FAM227B: variants seen among roughly 807,000 people sequenced by gnomAD.
The protein encoded by FAM227B is protein FAM227B.
A neutral mutation model predicts 73.8 loss-of-function variants in FAM227B; 88 were observed. The observed-to-expected ratio is 1.19, with a 90% CI of 1.00 to 1.42. The LOEUF (loss-of-function observed/expected upper bound fraction) is 1.42, where lower values mean the gene tolerates loss of function less well. FAM227B is among the 40% of genes most tolerant of loss of function. FAM227B has a pLI of 0.00. For missense variants in FAM227B, 632 were observed against 590.9 expected, an observed-to-expected ratio of 1.07 and a Z score of -0.72; for synonymous variants, 210 against 190.5, an observed-to-expected ratio of 1.10 and a Z score of -0.84.
intron 11 of FAM227B, among the ~76,000 whole-genome samples, chr15:49,458,237 T>C (rs2053490365): frequency 6.6e-6 from 1 of 152,006 alleles, no homozygotes; most frequent in Non-Finnish European, 1.5e-5. Context: ...ATTTTGAATG[T>C]ATATTTATTC....
chr15:49,422,790 A>C, intron 11 of FAM227B: 1 of 1,296,252 alleles, frequency 7.7e-7, no homozygotes, highest in Non-Finnish European at 1.1e-6. Context: ...GATAATATTC[A>C]ACTTATCTAC....
chr15:49,403,783 T>C (rs1301521504), intron 11 of FAM227B, among the ~76,000 whole-genome samples: 2 of 152,152 alleles, frequency 1.3e-5, no homozygotes, highest in Admixed American at 1.3e-4. Context: ...ATTTTGGTTA[T>C]TTCTTGTTTT....
At chr15:49,416,017 A>T (rs752391544) in intron 11 of FAM227B, among the ~76,000 whole-genome samples, 6 of 152,080 alleles carry the variant, frequency 3.9e-5, no homozygotes, top group East Asian at 3.9e-4. Context: ...TATTACCATG[A>T]CCTACAAAGT....
intron 12 of FAM227B, among the ~76,000 whole-genome samples, chr15:49,369,002 G>A (rs967880205): frequency 2.6e-5 from 4 of 152,072 alleles, no homozygotes; most frequent in African/African-American, 9.7e-5. Context: ...ACGGAGTCTC[G>A]CTCTGGAGTG....
chr15:49,393,018 T>C (rs1213859267), intron 11 of FAM227B, among the ~76,000 whole-genome samples: 1 of 152,134 alleles, frequency 6.6e-6, no homozygotes, highest in Non-Finnish European at 1.5e-5. Flanking sequence ...ATGAAAATCA[T>C]GAAGAAAAGA....
intron 5 of FAM227B, among the ~76,000 whole-genome samples, chr15:49,583,699 A>G (rs1452981177): frequency 1.3e-5 from 2 of 151,406 alleles, no homozygotes; most frequent in Non-Finnish European, 2.9e-5. Context: ...CTCTGACCCC[A>G]CAGAAATACA....
At position 49,357,262 on chromosome 15, in the gene FAM227B, C is replaced by G. The variant is rs1256020404; in HGVS notation, c.1271+10186G>C. On this transcript the variant is annotated intron_variant, in intron 13 of 15. Transcript: ENST00000299338. ...AGCAGAACTGAAGGAAATAGAGACACAAAAAACCCTTCAAAAAATTAGTGA... is the reference window on the plus strand; with the variant it reads ...AGCAGAACTGAAGGAAATAGAGACAGAAAAAACCCTTCAAAAAATTAGTGA... Among the ~76,000 whole-genome samples the G allele has an allele frequency of 3.3e-5, 5 of 149,916 alleles. No individual in the cohort carries two copies. In the East Asian group the frequency reaches 9.8e-4, roughly 29 times the overall value.
At chr15:49,329,784 T>C in intron 15 of FAM227B, 1 of 957,212 alleles carries the variant, frequency 1.0e-6, no homozygotes, top group Non-Finnish European at 1.2e-6. Context: ...TATATAATTC[T>C]TTAAAGATAC....
rs895125720 is a variant in FAM227B, at chr15:49,620,805, T to A, written c.-178A>T. 6.6e-6 allele frequency: 1 copy of A among 151,852 alleles called. No homozygotes were observed. The highest frequency in any genetic ancestry group is 1.9e-4 in the East Asian group (1 of 5,170). 9.4% of individuals were successfully genotyped at this position (151,852 alleles called of 1,614,324 possible). On this transcript the variant is annotated 5_prime_UTR_variant, in exon 1 of 16. Transcript: ENST00000299338. ...GAAAGGCTGCGAGGCTTGAGGCGGG[T>A]CCCGGACGAACGCGGCCCTGCCCCT... is the stretch of plus-strand genomic sequence containing the variant.
At chr15:49,484,595 T>C in intron 11 of FAM227B, 1 of 570,398 alleles carries the variant, frequency 1.8e-6, no homozygotes, top group Non-Finnish European at 2.9e-6. Context: ...TTCCTTTTAT[T>C]TTTTAGTAAT....
intron 11 of FAM227B, among the ~76,000 whole-genome samples, chr15:49,380,426 C>T (rs942039809): frequency 6.6e-6 from 1 of 152,096 alleles, no homozygotes; most frequent in Admixed American, 6.5e-5. Context: ...TTACCTTTCC[C>T]TCTGCTTTTC....
intron 11 of FAM227B, among the ~76,000 whole-genome samples, chr15:49,469,650 A>G (rs1278860565): frequency 3.9e-5 from 6 of 152,304 alleles, no homozygotes; most frequent in East Asian, 3.9e-4. Flanking sequence ...TGATTTTACT[A>G]TAAGGCAGAC....
intron 12 of FAM227B, among the ~76,000 whole-genome samples, chr15:49,370,792 A>G (rs969606992): frequency 6.6e-6 from 1 of 152,210 alleles, no homozygotes; most frequent in African/African-American, 2.4e-5. Context: ...AAGGCAACAC[A>G]TGGTGGTGAG....
intron 9 of FAM227B, among the ~76,000 whole-genome samples, chr15:49,550,611 G>A (rs570693385): frequency 2.6e-5 from 4 of 151,950 alleles, no homozygotes; most frequent in South Asian, 2.1e-4. Context: ...ACGGGGTCAC[G>A]GCCGGGTAGA....
chr15:49,329,422 CAG>C, intron 15 of FAM227B: 1 of 984,760 alleles, frequency 1.0e-6, no homozygotes, highest in Non-Finnish European at 1.2e-6. Context: ...AAAAAAATAT[CAG>C]AATTACTTAT....
At chr15:49,578,898 C>T (rs944660837) in intron 5 of FAM227B, among the ~76,000 whole-genome samples, 2 of 152,092 alleles carry the variant, frequency 1.3e-5, no homozygotes, top group African/African-American at 4.8e-5. Flanking sequence ...TATTTGCAAA[C>T]CATCTATTTA....
At chr15:49,606,766 T>C (rs964334704) in intron 3 of FAM227B, among the ~76,000 whole-genome samples, 3 of 152,210 alleles carry the variant, frequency 2.0e-5, no homozygotes, top group African/African-American at 2.4e-5. Context: ...CTGCCTTGTT[T>C]TGGCCACCAG....
In FAM227B at chr15:49,402,902, T is replaced by C. The variant is rs146255706; in HGVS notation, c.1013-31503A>G. On this transcript the variant is annotated intron_variant, in intron 11 of 15. Transcript: ENST00000299338. ...TCCAGCTTTTGTCCATTCAGTATGA[T>C]ATTGGCTGTGGGTCTGTCATATATG... is the stretch of plus-strand genomic sequence containing the variant. 5.6e-3 allele frequency among the ~76,000 whole-genome samples: 854 copies of C among 152,310 alleles called. 7 individuals are homozygous for C. The highest frequency in any genetic ancestry group is 0.02 in the African/African-American group (814 of 41,548).
At chr15:49,462,502 T>C (rs1054146401) in intron 11 of FAM227B, among the ~76,000 whole-genome samples, 1 of 152,370 alleles carries the variant, frequency 6.6e-6, no homozygotes, top group South Asian at 2.1e-4. Context: ...TCTAACATAA[T>C]TTGTTAAAAA....
Sources: allele counts gnomAD v4.1 joint callset (sites outside exome capture counted in the v4.1 genomes callset), GRCh38; gene constraint gnomAD v4.1.1; transcripts MANE v1.5; gene names NCBI Gene and HGNC (gene_info 2026-07-23, HGNC 2026-07-21).